CEP112: variants seen among roughly 807,000 people sequenced by gnomAD.
The protein encoded by CEP112 is centrosomal protein 112, also known as centrosomal protein of 112 kDa.
Under a neutral mutation model 153.0 loss-of-function variants are expected in CEP112, and 127 were observed. That is an observed-to-expected ratio of 0.83 (90% confidence interval 0.72 to 0.96). CEP112 has a LOEUF of 0.96. CEP112 is among the 40% of genes least tolerant of loss of function. CEP112 has a pLI of 0.00. For synonymous variants in CEP112, 358 were observed against 374.4 expected (o/e 0.96, Z 0.51); for missense variants, 1,089 against 1,101.2 (o/e 0.99, Z 0.16).
intron 20 of CEP112, among the ~76,000 whole-genome samples, chr17:65,893,056 C>T (rs1479684656): frequency 6.6e-6 from 1 of 152,158 alleles, no homozygotes; most frequent in Non-Finnish European, 1.5e-5. Context: ...ACTTTCAGGT[C>T]TTTCCACTGG....
At chr17:65,856,161 T>C (rs932972657) in intron 20 of CEP112, among the ~76,000 whole-genome samples, 8 of 152,156 alleles carry the variant, frequency 5.3e-5, no homozygotes, top group South Asian at 2.1e-4. Context: ...ATTAATGTCA[T>C]AGAAGAAGGA....
At chr17:65,933,113 C>T (rs2061182639) in intron 18 of CEP112, among the ~76,000 whole-genome samples, 1 of 151,956 alleles carries the variant, frequency 6.6e-6, no homozygotes, top group African/African-American at 2.4e-5. Flanking sequence ...AGTTCAAAGA[C>T]AGGACATTTA....
intron 23 of CEP112, among the ~76,000 whole-genome samples, chr17:65,713,025 T>C (rs917717477): frequency 9.2e-5 from 14 of 152,186 alleles, no homozygotes; most frequent in African/African-American, 3.4e-4. Flanking sequence ...ACATTCAAAG[T>C]ATAGCACACT....
intron 21 of CEP112, among the ~76,000 whole-genome samples, chr17:65,840,586 T>C (rs979627659): frequency 7.8e-4 from 119 of 152,020 alleles, no homozygotes; most frequent in Non-Finnish European, 1.9e-4. Flanking sequence ...AAGATTTTTT[T>C]TGGTAAGACT....
rs752883377 is a variant in CEP112 at position 66,176,917 on chromosome 17, T to C, written c.210A>G (p.Leu70=). 50 of 1,613,564 alleles carry C rather than the reference T, an allele frequency of 3.1e-5. No homozygotes were observed. The highest frequency in any genetic ancestry group is 3.9e-5 in the Non-Finnish European group (46 of 1,179,674). Residue 70 remains leucine, a synonymous_variant, in exon 3 of 27, where the codon TTA becomes TTG. Transcript: ENST00000535342. ...RKNRNLYAKL[L]LHMLKRGALE... ...GCGCACCTCGTTTAAGCATATGCAA[T>C]AACAATTTTGCATACAGGTTCCGAT...
chr17:65,911,773 C>G (rs936839817), intron 19 of CEP112, among the ~76,000 whole-genome samples: 2 of 152,218 alleles, frequency 1.3e-5, no homozygotes, highest in Admixed American at 1.3e-4. Flanking sequence ...GCAAATGTAG[C>G]ATGGTCCTGT....
chr17:66,147,202 G>A (rs1165762664), intron 4 of CEP112, among the ~76,000 whole-genome samples: 1 of 152,000 alleles, frequency 6.6e-6, no homozygotes, highest in East Asian at 1.9e-4. Flanking sequence ...CCTCATGGAT[G>A]TAAGGTAACA....
Position 66,072,948 on chromosome 17 carries a change from T to C in CEP112, c.769-2947A>G, listed in dbSNP as rs143246293. ...CAGTATAAGGATGCAGATTTAGATA[T>C]AGATGTAGATATAAATATAGATATG... On this transcript the variant is annotated intron_variant, in intron 8 of 26. Transcript: ENST00000535342. 4.3e-4 allele frequency among the ~76,000 whole-genome samples: 65 copies of C among 152,320 alleles called. 1 individual carries two copies. Among genetic ancestry groups the C allele is most frequent in the African/African-American group, 1.5e-3 (61 of 41,562 alleles).
intron 8 of CEP112, among the ~76,000 whole-genome samples, chr17:66,082,339 C>A (rs1276216240): frequency 6.6e-6 from 1 of 152,172 alleles, no homozygotes; most frequent in African/African-American, 2.4e-5. Context: ...CAAAGGCAAG[C>A]AAGTCCAAGT....
chr17:65,834,933 C>T (rs779106236), intron 21 of CEP112, among the ~76,000 whole-genome samples: 7 of 152,114 alleles, frequency 4.6e-5, no homozygotes, highest in Non-Finnish European at 8.8e-5. Context: ...ATAGCAAAGA[C>T]ATCAATCAGC....
At chr17:65,719,931 G>A (rs1293649005) in intron 23 of CEP112, among the ~76,000 whole-genome samples, 1 of 152,210 alleles carries the variant, frequency 6.6e-6, no homozygotes, top group Non-Finnish European at 1.5e-5. Context: ...AGGAGAGGTT[G>A]GAAGGGGACA....
chr17:66,091,288 T>C (rs1376383753), intron 8 of CEP112, among the ~76,000 whole-genome samples: 1 of 152,128 alleles, frequency 6.6e-6, no homozygotes, highest in East Asian at 1.9e-4. Flanking sequence ...GATCATATGT[T>C]AGTTCACAAA....
chr17:65,936,204 T>A (rs187910179), intron 18 of CEP112, among the ~76,000 whole-genome samples: 77 of 152,136 alleles, frequency 5.1e-4, no homozygotes, highest in African/African-American at 1.5e-3. Flanking sequence ...AAATAGAACA[T>A]CTGAACAGAC....
intron 21 of CEP112, among the ~76,000 whole-genome samples, chr17:65,851,386 G>A (rs1211717997): frequency 6.6e-6 from 1 of 152,124 alleles, no homozygotes; most frequent in East Asian, 1.9e-4. Flanking sequence ...TCATTTATGT[G>A]ACACTGTTAT....
At chr17:65,696,907 A>G (rs1427695680) in intron 23 of CEP112, among the ~76,000 whole-genome samples, 4 of 152,174 alleles carry the variant, frequency 2.6e-5, no homozygotes, top group African/African-American at 7.2e-5. Context: ...GAGAAAACAG[A>G]TGATTCATTT....
At position 65,640,154 on chromosome 17, in the gene CEP112, A is replaced by ATATATTT. The variant is rs1300751452; in HGVS notation, c.2799+809_2799+810insAAATATA. On this transcript the variant is annotated intron_variant, in intron 25 of 26. Coordinates refer to ENST00000535342, the MANE Select transcript of CEP112 (RefSeq NM_001199165.4). ...CACCCGACCATATATATATATATATATTTTTTTTTTTTTTTTTTTGAGACA... is the reference window on the plus strand; with the variant it reads ...CACCCGACCATATATATATATATATATATATTTTTTTTTTTTTTTTTTTTTTGAGACA... 2.8e-4 allele frequency among the ~76,000 whole-genome samples: 22 copies of ATATATTT among 78,342 alleles called. 1 individual carries two copies. Among genetic ancestry groups the ATATATTT allele is most frequent in the East Asian group, 1.7e-3 (3 of 1,788 alleles). The allele number at this position is 78,342 out of a possible 152,430, so 51.4% of individuals were successfully genotyped here.
chr17:66,048,548 G>C (rs559073996), intron 12 of CEP112, among the ~76,000 whole-genome samples: 1 of 152,282 alleles, frequency 6.6e-6, no homozygotes, highest in East Asian at 1.9e-4. Context: ...AGAATATATA[G>C]GCGAACCTTC....
intron 23 of CEP112, among the ~76,000 whole-genome samples, chr17:65,727,931 A>T (rs1361019351): frequency 6.6e-6 from 1 of 152,210 alleles, no homozygotes; most frequent in Non-Finnish European, 1.5e-5. Context: ...TAGCAGAAGA[A>T]AGACAAGTAA....
chr17:66,014,585 A>T (rs1418607081), intron 16 of CEP112, among the ~76,000 whole-genome samples: 1 of 151,760 alleles, frequency 6.6e-6, no homozygotes, highest in Admixed American at 6.6e-5. Flanking sequence ...TCTCTAAGCA[A>T]CTCTCTCTGC....
Sources: allele counts gnomAD v4.1 joint callset (sites outside exome capture counted in the v4.1 genomes callset), GRCh38; gene constraint gnomAD v4.1.1; transcripts MANE v1.5; gene names NCBI Gene and HGNC (gene_info 2026-07-23, HGNC 2026-07-21).